The following COL19A1 variants were observed in gnomAD, a reference collection of about 807,000 sequenced individuals.
COL19A1 encodes the protein collagen type XIX alpha 1 chain.
A neutral mutation model predicts 190.2 loss-of-function variants in COL19A1; 159 were observed. The ratio of observed to expected loss-of-function variants is 0.84; its 90% confidence interval spans 0.73 to 0.95. The LOEUF (loss-of-function observed/expected upper bound fraction) is 0.95, where lower values mean the gene tolerates loss of function less well. Ranked by LOEUF, COL19A1 falls within the 40% of genes least tolerant of loss-of-function variation. The pLI, the probability that COL19A1 is intolerant of heterozygous loss-of-function variation, is 0.00. For missense variants in COL19A1, 1,418 were observed against 1,431.9 expected, an observed-to-expected ratio of 0.99 and a Z score of 0.16; for synonymous variants, 509 against 458.9, an observed-to-expected ratio of 1.11 and a Z score of -1.39.
In COL19A1 at chr6:69,993,166, AG is replaced by A. The variant is rs202083799; in HGVS notation, c.1026+30299del. On this transcript the variant is annotated intron_variant, in intron 11 of 50. Transcript: ENST00000620364. ...AGTTTGTTGAGGATTTTAAACATGA[AG>A]GGAAGTTTAATTTTATTATAAGCCT... Among the ~76,000 whole-genome samples the A allele has an allele frequency of 5.1e-3, 780 of 152,220 alleles. 10 individuals carry two copies. The highest frequency in any genetic ancestry group is 0.018 in the African/African-American group (735 of 41,558).
At chr6:70,145,146 C>T (rs1786539741) in intron 25 of COL19A1, 139 bp downstream of exon 25, 2 of 671,672 alleles carry the variant, frequency 3.0e-6, no homozygotes, top group Admixed American at 2.8e-5. Context: ...ACAGAACTAC[C>T]ATTTGACCTA....
chr6:70,120,787 T>C (rs2150210708), intron 16 of COL19A1, among the ~76,000 whole-genome samples: 1 of 152,272 alleles, frequency 6.6e-6, no homozygotes, highest in Middle Eastern at 3.4e-3. Flanking sequence ...AGGTTTTATA[T>C]TAGAAGAGAT....
intron 23 of COL19A1, among the ~76,000 whole-genome samples, chr6:70,143,219 G>A (rs548920287): frequency 7.4e-4 from 112 of 152,212 alleles, no homozygotes; most frequent in Non-Finnish European, 1.2e-3. Context: ...AAGACATTTC[G>A]AAAGCTTCTA....
At chr6:70,157,623 G>A (rs1392922188) in intron 34 of COL19A1, among the ~76,000 whole-genome samples, 6 of 151,714 alleles carry the variant, frequency 4.0e-5, no homozygotes, top group Non-Finnish European at 7.4e-5. Context: ...AAACTTTGAG[G>A]TTTGATTTTT....
At chr6:70,192,411 A>T (rs1333592176) in intron 48 of COL19A1, among the ~76,000 whole-genome samples, 1 of 151,934 alleles carries the variant, frequency 6.6e-6, no homozygotes, top group African/African-American at 2.4e-5. Context: ...AGTAATTTTA[A>T]TGTTGCCCTT....
intron 49 of COL19A1, among the ~76,000 whole-genome samples, chr6:70,203,193 T>C (rs889650895): frequency 6.6e-6 from 1 of 152,142 alleles, no homozygotes; most frequent in African/African-American, 2.4e-5. Flanking sequence ...TGATTCTCCA[T>C]CACCTATTCC....
rs534412249 is a variant in COL19A1, at chr6:70,156,592, T to A, written c.2239-78T>A. ...TGTCCAAATTACATGCCCCAAGTGT[T>A]CTTAGAAGAGATTTTTTTCATTTCC... is the stretch of plus-strand genomic sequence containing the variant. On this transcript the variant is annotated intron_variant, in intron 33 of 50. Coordinates refer to ENST00000620364, the MANE Select transcript of COL19A1 (RefSeq NM_001858.6). 1.6e-4 allele frequency: 244 copies of A among 1,485,132 alleles called. 1 individual carries two copies. In the African/African-American group the frequency reaches 3.2e-3, roughly 19 times the overall value. The allele number at this position is 1,485,132 out of a possible 1,614,324, so 92.0% of individuals were successfully genotyped here.
Position 70,130,222 on chromosome 6 carries a change from A to T in COL19A1, c.1382A>T (p.Lys461Met). 6.2e-7 allele frequency: 1 copy of T among 1,612,586 alleles called. No homozygotes were observed. Among genetic ancestry groups the T allele is most frequent in the Non-Finnish European group, 8.5e-7 (1 of 1,179,382 alleles). ...GAAGCTGGAGGCCTGAAAGGAGACAAGGTAATCAGATTTTTTTTTTTTAGA... is the reference window on the plus strand; with the variant it reads ...GAAGCTGGAGGCCTGAAAGGAGACATGGTAATCAGATTTTTTTTTTTTAGA... ...EHEAGGLKGD[K>M]GETGLPGFPG... The change falls in exon 18 of 51, where the codon AAG (lysine) becomes ATG (methionine). Residue 461 changes from lysine to methionine, a missense_variant and splice_region_variant. Coordinates refer to ENST00000620364, the MANE Select transcript of COL19A1 (RefSeq NM_001858.6).
At position 70,168,680 on chromosome 6, in the gene COL19A1, T is replaced by C; in HGVS notation, c.2567T>C (p.Val856Ala). 1 of 1,612,932 alleles carries C rather than the reference T, an allele frequency of 6.2e-7. No homozygotes were observed. Among genetic ancestry groups the C allele is most frequent in the Non-Finnish European group, 8.5e-7 (1 of 1,179,480 alleles). The change falls in exon 40 of 51, where the codon GTG (valine) becomes GCG (alanine). Residue 856 changes from valine (V) to alanine (A), a missense_variant and splice_region_variant. By Grantham distance (64) the Val-to-Ala change is moderately conservative. Coordinates refer to ENST00000620364, the MANE Select transcript of COL19A1 (RefSeq NM_001858.6). ...GGCCCAAAAGGCGATCCTGGCCCAGTGGTATGAATGTTCCCATGTTTTGTG... is the reference window on the plus strand; with the variant it reads ...GGCCCAAAAGGCGATCCTGGCCCAGCGGTATGAATGTTCCCATGTTTTGTG... Reference protein sequence around the residue: ...PPGPKGDPGPVGEPGAMGLPG... With the variant: ...PPGPKGDPGPAGEPGAMGLPG...
intron 4 of COL19A1, among the ~76,000 whole-genome samples, chr6:69,903,844 C>G (rs537396679): frequency 1.3e-5 from 2 of 152,208 alleles, no homozygotes; most frequent in Non-Finnish European, 2.9e-5. Flanking sequence ...AAGACTGTCT[C>G]AGCAGCATCA....
At position 70,207,398 on chromosome 6, in the gene COL19A1, C is replaced by A; in HGVS notation, c.*124C>A. Reference sequence around the variant, plus strand: ...TTTTTTTTTTTTTTTGGGAGTAAGCCAGGCATTAAAAGCAACCGTTTGAAT... The same window carrying A: ...TTTTTTTTTTTTTTTGGGAGTAAGCAAGGCATTAAAAGCAACCGTTTGAAT... On this transcript the variant is annotated 3_prime_UTR_variant, in exon 51 of 51. Coordinates refer to ENST00000620364, the MANE Select transcript of COL19A1 (RefSeq NM_001858.6). 1.0e-6 allele frequency: 1 copy of A among 996,564 alleles called. No individual in the cohort carries two copies. Among genetic ancestry groups the A allele is most frequent in the Non-Finnish European group, 1.4e-6 (1 of 734,780 alleles). 61.7% of individuals were successfully genotyped at this position (996,564 alleles called of 1,614,324 possible). A position where few individuals can be genotyped will look rare whatever the true frequency, so the allele number is the denominator to read the frequency against.
chr6:70,144,937 T>C lies in COL19A1; in HGVS notation c.1700T>C (p.Ile567Thr). 1.3e-6 allele frequency: 2 copies of C among 1,584,048 alleles called. No individual in the cohort carries two copies. The highest frequency in any genetic ancestry group is 1.7e-6 in the Non-Finnish European group (2 of 1,163,108). ...KGEKGDPGGI[I>T]GPPGLPGPKG... is the part of the protein sequence containing the mutation. ...CTACAGGGAGATCCGGGTGGGATCA[T>C]AGGCCCTCCCGGGCTTCCAGGTCCA... The change falls in exon 25 of 51, where the codon ATA becomes ACA. Residue 567 changes from isoleucine to threonine, a missense_variant. By Grantham distance (89) the Ile-to-Thr change is moderately conservative. Coordinates refer to ENST00000620364, the MANE Select transcript of COL19A1 (RefSeq NM_001858.6).
intron 42 of COL19A1, among the ~76,000 whole-genome samples, chr6:70,178,333 G>T (rs1212344328): frequency 2.6e-5 from 4 of 152,108 alleles, no homozygotes; most frequent in Non-Finnish European, 5.9e-5. Context: ...CTGAGATCGT[G>T]TCACTGCACT....
intron 39 of COL19A1, 133 bp from the exon 40 acceptor site, chr6:70,168,522 A>G (rs1399518599): frequency 2.7e-6 from 2 of 746,302 alleles, no homozygotes; most frequent in African/African-American, 3.6e-5. Context: ...TTATTCTTCA[A>G]ATTCAAACTG....
At chr6:70,090,276 T>A (rs73486393) in intron 15 of COL19A1, among the ~76,000 whole-genome samples, 3,606 of 152,274 alleles carry the variant, frequency 0.024, 167 homozygotes, top group African/African-American at 0.083. Flanking sequence ...CAACCAACCA[T>A]GGATTGAAAA....
chr6:70,154,033 G>A (rs1017362082), intron 31 of COL19A1, among the ~76,000 whole-genome samples: 3 of 151,664 alleles, frequency 2.0e-5, no homozygotes, highest in Admixed American at 6.6e-5. Flanking sequence ...AGTTATACAC[G>A]TGCCATGGTG....
At chr6:69,912,810 A>G (rs943501993) in intron 4 of COL19A1, among the ~76,000 whole-genome samples, 5 of 152,222 alleles carry the variant, frequency 3.3e-5, no homozygotes, top group African/African-American at 1.2e-4. Flanking sequence ...AGTAGAGGCC[A>G]GGCACGGTGG....
intron 15 of COL19A1, among the ~76,000 whole-genome samples, chr6:70,100,261 C>G (rs2150185671): frequency 6.6e-6 from 1 of 152,242 alleles, no homozygotes; most frequent in South Asian, 2.1e-4. Context: ...TACAGTGTTT[C>G]CACTTTCTAA....
intron 11 of COL19A1, among the ~76,000 whole-genome samples, chr6:69,985,077 C>T (rs1776242089): frequency 6.6e-6 from 1 of 152,114 alleles, no homozygotes; most frequent in Non-Finnish European, 1.5e-5. Context: ...ATACAAAGTA[C>T]ACCTCAAAAC....
Sources: allele counts gnomAD v4.1 joint callset (sites outside exome capture counted in the v4.1 genomes callset), GRCh38; gene constraint gnomAD v4.1.1; transcripts MANE v1.5; gene names NCBI Gene and HGNC (gene_info 2026-07-23, HGNC 2026-07-21).